Variants in RIPOR2 observed in about 807,000 individuals in gnomAD.
RIPOR2 encodes the protein rho family-interacting cell polarization regulator 2.
In RIPOR2, 39 loss-of-function variants were observed where a neutral mutation model predicts 114.5. That is an observed-to-expected ratio of 0.34 (90% CI 0.26 to 0.44). The LOEUF is 0.44. Among genes scored for constraint, RIPOR2 ranks in the 20% least tolerant of loss-of-function variants. The pLI, the probability that RIPOR2 is intolerant of heterozygous loss-of-function variation, is 1.00. For synonymous variants in RIPOR2, 445 were observed against 484.4 expected (o/e 0.92, Z 1.07); for missense variants, 1,007 against 1,255.1 (o/e 0.80, Z 2.99).
At chr6:24,973,595 CAAAA>C (rs61341684) in intron 1 of RIPOR2, among the ~76,000 whole-genome samples, 17,282 of 129,320 alleles carry the variant, frequency 0.13, 2,296 homozygotes, top group African/African-American at 0.35. Context: ...GACTGCATCT[CAAAA>C]AAAAAAAAAA....
At chr6:24,927,156 C>A (rs1401547921) in intron 1 of RIPOR2, among the ~76,000 whole-genome samples, 1 of 90,952 alleles carries the variant, frequency 1.1e-5, no homozygotes, top group Non-Finnish European at 2.3e-5. Context: ...CCACCACCAC[C>A]ACCACAACTA....
At chr6:24,852,471 A>C in intron 9 of RIPOR2, 104 bp downstream of exon 9, 1 of 929,374 alleles carries the variant, frequency 1.1e-6, no homozygotes, top group East Asian at 2.5e-5. Context: ...AAAATTAAAA[A>C]TTAAAAAAAA....
intron 1 of RIPOR2, among the ~76,000 whole-genome samples, chr6:24,970,779 G>A (rs9358809): frequency 0.17 from 25,526 of 152,196 alleles, 2,918 homozygotes; most frequent in East Asian, 0.54. Flanking sequence ...TAAAAAGTGA[G>A]ATTTCCATGG....
chr6:25,041,987 A>G (rs1238458108), exon 1 of RIPOR2: 8 of 642,362 alleles, frequency 1.2e-5, no homozygotes, highest in African/African-American at 3.7e-5. Context: ...TCTTGCAGCT[A>G]TCCTGGAAGT....
chr6:24,913,860 T>C (rs1462802396), intron 1 of RIPOR2, among the ~76,000 whole-genome samples: 2 of 152,118 alleles, frequency 1.3e-5, no homozygotes, highest in African/African-American at 4.8e-5. Flanking sequence ...TTTAACCTCA[T>C]CCAGGGAAAC....
chr6:24,903,366 T>C (rs1768660817), intron 1 of RIPOR2, among the ~76,000 whole-genome samples: 1 of 152,086 alleles, frequency 6.6e-6, no homozygotes, highest in Non-Finnish European at 1.5e-5. Context: ...TAAACCCCCA[T>C]CTCTCCATGT....
Position 25,039,843 on chromosome 6 carries a change from C to T in RIPOR2, c.76+2008G>A, listed in dbSNP as rs979251633. ...AGAAACATGATCAAGAAGGTAAAGG[C>T]CCAGAGAAAACTGATGGCTTCTTCA... On this transcript the variant is annotated intron_variant, in intron 1 of 13. Transcript: ENST00000510784. 2.0e-5 allele frequency among the ~76,000 whole-genome samples: 3 copies of T among 152,246 alleles called. No homozygotes were observed. The East Asian group carries it at 5.8e-4, about 29-fold the overall frequency.
chr6:25,039,045 G>T (rs985133096), intron 1 of RIPOR2, among the ~76,000 whole-genome samples: 6 of 152,184 alleles, frequency 3.9e-5, no homozygotes, highest in African/African-American at 1.4e-4. Context: ...TGTATTTAAA[G>T]AAAAGGGGTT....
In RIPOR2 at chr6:24,817,976, C is replaced by CTTTTTTTTTTTTTTTT. The variant is rs758675486; in HGVS notation, c.2952+565_2952+566insAAAAAAAAAAAAAAAA. Among the ~76,000 whole-genome samples the CTTTTTTTTTTTTTTTT allele has an allele frequency of 6.6e-4, 56 of 84,438 alleles. 6 individuals are homozygous for CTTTTTTTTTTTTTTTT. The highest frequency in any genetic ancestry group is 8.0e-4 in the East Asian group (3 of 3,752). 55.4% of individuals were successfully genotyped at this position (84,438 alleles called of 152,430 possible). A position where few individuals can be genotyped will look rare whatever the true frequency, so the allele number is the denominator to read the frequency against. On this transcript the variant is annotated intron_variant, in intron 20 of 21. Transcript: ENST00000643898. ...ATATACTTTCCTTTTCTCTCTCTCT[C>CTTTTTTTTTTTTTTTT]TCTTTTTTTTTGAGACAGAGTCTGG...
At chr6:24,908,743 C>T (rs181990986) in intron 1 of RIPOR2, among the ~76,000 whole-genome samples, 4 of 152,294 alleles carry the variant, frequency 2.6e-5, no homozygotes, top group South Asian at 2.1e-4. Context: ...TCCCTCCACC[C>T]GCCCCCAGCC....
intron 1 of RIPOR2, chr6:25,023,865 C>T: frequency 1.4e-6 from 1 of 727,986 alleles, no homozygotes; most frequent in Non-Finnish European, 2.6e-6. Context: ...GTTCCTAGGT[C>T]TTCGTGTAGA....
chr6:24,954,386 G>A (rs1428051298), intron 1 of RIPOR2, among the ~76,000 whole-genome samples: 1 of 151,352 alleles, frequency 6.6e-6, no homozygotes, highest in Non-Finnish European at 1.5e-5. Flanking sequence ...GGTGAGGATT[G>A]GTGACCAGTG....
At chr6:24,900,698 C>T (rs561499624) in intron 1 of RIPOR2, among the ~76,000 whole-genome samples, 46 of 152,300 alleles carry the variant, frequency 3.0e-4, no homozygotes, top group African/African-American at 1.1e-3. Flanking sequence ...ATCGAGGCTG[C>T]ACTGAGCTGT....
At chr6:24,907,366 T>G (rs1038119116) in intron 1 of RIPOR2, among the ~76,000 whole-genome samples, 1 of 152,252 alleles carries the variant, frequency 6.6e-6, no homozygotes, top group African/African-American at 2.4e-5. Flanking sequence ...GCTTCTTTTC[T>G]TCATAGTGTT....
At chr6:24,889,905 TTTTTGAGACAG>T (rs970964044) in intron 1 of RIPOR2, among the ~76,000 whole-genome samples, 6 of 151,866 alleles carry the variant, frequency 4.0e-5, no homozygotes, top group African/African-American at 4.8e-5. Flanking sequence ...TTATTTTATT[TTTTTGAGACAG>T]AGTTTCACTC....
In RIPOR2 at chr6:24,872,881, C is replaced by A. The variant is rs1321397537; in HGVS notation, c.423G>T (p.Leu141=). ...QLKDMKRNSR[L]GVLYDLDKQI... ...ATCATAATGACTGCATAGTACCTAC[C>A]AGGCGAGAGTTTCTTTTCATATCTT... The change falls in exon 4 of 22, where the codon CTG becomes CTT. Residue 141 remains leucine (L), a splice_region_variant and synonymous_variant. Transcript: ENST00000643898. The A allele has an allele frequency of 6.3e-7, 1 of 1,599,358 alleles. No homozygotes were observed. The highest frequency in any genetic ancestry group is 1.3e-5 in the African/African-American group (1 of 74,620).
intron 8 of RIPOR2, among the ~76,000 whole-genome samples, chr6:24,857,812 C>T (rs377675536): frequency 5.3e-5 from 8 of 152,174 alleles, no homozygotes; most frequent in South Asian, 2.1e-4. Context: ...CTAGTTTGCT[C>T]TAAGGAACTA....
Position 24,825,431 on chromosome 6 carries a change from G to T in RIPOR2, c.2666-3C>A. On this transcript the variant is annotated splice_polypyrimidine_tract_variant and splice_region_variant and intron_variant, in intron 18 of 21. Transcript: ENST00000643898. Reference sequence around the variant, plus strand: ...TTGCAGAGTCTGAACCATGGAAACTGGAGGGTAAGAAGGAAGGAGATTTCA... The same window carrying T: ...TTGCAGAGTCTGAACCATGGAAACTTGAGGGTAAGAAGGAAGGAGATTTCA... 6.5e-7 allele frequency: 1 copy of T among 1,549,112 alleles called. No homozygotes were observed. The highest frequency in any genetic ancestry group is 8.7e-7 in the Non-Finnish European group (1 of 1,144,320).
At chr6:25,040,406 G>A (rs993318676) in intron 1 of RIPOR2, among the ~76,000 whole-genome samples, 4 of 151,970 alleles carry the variant, frequency 2.6e-5, no homozygotes, top group Admixed American at 6.6e-5. Flanking sequence ...GTGAGCCACC[G>A]CGCCCGGCCT....
Sources: gnomAD v4.1 joint callset for allele counts (sites outside exome capture counted in the v4.1 genomes callset) on GRCh38, gnomAD v4.1.1 for gene constraint, MANE v1.5 for transcripts, NCBI Gene and HGNC (gene_info 2026-07-23, HGNC 2026-07-21) for gene names.